The following NTRK3 variants were observed in gnomAD, a reference collection of about 807,000 sequenced individuals.
The protein encoded by NTRK3 is neurotrophic receptor tyrosine kinase 3.
NTRK3 carries 24 observed loss-of-function variants against 91.7 expected under a neutral mutation model. The ratio of observed to expected loss-of-function variants is 0.26; its 90% CI spans 0.19 to 0.37. NTRK3 has a LOEUF of 0.37. Among genes scored for constraint, NTRK3 ranks in the 10% least tolerant of loss-of-function variants. NTRK3 has a pLI of 1.00. For synonymous variants in NTRK3, 483 were observed against 404.0 expected (o/e 1.20, Z -2.34); for missense variants, 880 against 1,068.9 (o/e 0.82, Z 2.46).
chr15:88,074,359 G>A (rs1175838385), intron 13 of NTRK3, among the ~76,000 whole-genome samples: 2 of 152,236 alleles, frequency 1.3e-5, no homozygotes, highest in African/African-American at 2.4e-5. Context: ...TGGTTACTGA[G>A]CTCTTGAAAT....
chr15:88,081,123 A>G lies in NTRK3; in HGVS notation c.1396+45148T>C, dbSNP rs76778118. Among the ~76,000 whole-genome samples the G allele has an allele frequency of 3.5e-3, 530 of 152,204 alleles. 7 individuals carry two copies. In the East Asian group the frequency reaches 0.05, roughly 14 times the overall value. On this transcript the variant is annotated intron_variant, in intron 13 of 18. Transcript: ENST00000394480. ...GGCAGCTGCTTGGGTTGGAAAGAAA[A>G]CTGTTTCCCAAAGCTTGTTGAAATC...
chr15:88,094,327 G>T (rs1409098960), intron 13 of NTRK3, among the ~76,000 whole-genome samples: 1 of 151,780 alleles, frequency 6.6e-6, no homozygotes, highest in Non-Finnish European at 1.5e-5. Flanking sequence ...AAATTAGCCG[G>T]GCGCGGTGGC....
intron 13 of NTRK3, among the ~76,000 whole-genome samples, chr15:88,118,477 C>T (rs952664863): frequency 2.6e-5 from 4 of 152,104 alleles, no homozygotes; most frequent in Non-Finnish European, 4.4e-5. Context: ...AGCTGGCAAC[C>T]CCAGCCCCTC....
intron 14 of NTRK3, among the ~76,000 whole-genome samples, chr15:87,945,189 T>C (rs758486934): frequency 7.2e-5 from 11 of 152,066 alleles, no homozygotes; most frequent in Non-Finnish European, 1.3e-4. Flanking sequence ...ATGGGAAGGG[T>C]TCTTTGGAAA....
chr15:87,888,061 G>A (rs1367265513), intron 17 of NTRK3, among the ~76,000 whole-genome samples: 4 of 152,144 alleles, frequency 2.6e-5, no homozygotes, highest in Non-Finnish European at 4.4e-5. Flanking sequence ...GTACTTGGAG[G>A]GAAACAGATC....
chr15:88,100,596 T>A (rs2050071107), intron 13 of NTRK3, among the ~76,000 whole-genome samples: 2 of 152,258 alleles, frequency 1.3e-5, no homozygotes, highest in South Asian at 2.1e-4. Context: ...AAGAAGGGCA[T>A]AAGAAAAAGT....
intron 14 of NTRK3, among the ~76,000 whole-genome samples, chr15:87,991,886 G>T (rs961988193): frequency 2.0e-5 from 3 of 151,542 alleles, no homozygotes; most frequent in Non-Finnish European, 4.4e-5. Context: ...GATATCTGAG[G>T]ATATCTTTGT....
chr15:88,194,172 TC>T (rs368621419), intron 3 of NTRK3, among the ~76,000 whole-genome samples: 5 of 152,254 alleles, frequency 3.3e-5, no homozygotes, highest in Admixed American at 1.3e-4. Flanking sequence ...TGGGTTTCTT[TC>T]TACTCTCTGG....
At chr15:88,073,259 C>T (rs2047244588) in intron 13 of NTRK3, among the ~76,000 whole-genome samples, 1 of 152,246 alleles carries the variant, frequency 6.6e-6, no homozygotes, top group African/African-American at 2.4e-5. Flanking sequence ...TGCCTGTTAA[C>T]AAGCCCTCTG....
chr15:87,885,788 A>T, intron 17 of NTRK3, 53 bp from the exon 18 acceptor site: 6 of 812,644 alleles, frequency 7.4e-6, no homozygotes, highest in Non-Finnish European at 1.0e-5. Flanking sequence ...TTAGAAAAGT[A>T]TTCTTTATCC....
intron 17 of NTRK3, among the ~76,000 whole-genome samples, chr15:87,901,504 G>A (rs952530736): frequency 6.6e-6 from 1 of 152,198 alleles, no homozygotes; most frequent in Non-Finnish European, 1.5e-5. Context: ...TTTATCTGAA[G>A]CTCTGGCCTC....
At chr15:88,254,061 C>T (rs2053733576) in intron 3 of NTRK3, among the ~76,000 whole-genome samples, 1 of 152,176 alleles carries the variant, frequency 6.6e-6, no homozygotes, top group Admixed American at 6.5e-5. Flanking sequence ...TGCAGCTCAC[C>T]CATTCCCAGA....
At chr15:88,250,134 AT>A (rs1368531974) in intron 3 of NTRK3, among the ~76,000 whole-genome samples, 1 of 152,100 alleles carries the variant, frequency 6.6e-6, no homozygotes, top group Non-Finnish European at 1.5e-5. Flanking sequence ...AGCCCCTCAC[AT>A]TTCTGTCTTC....
At chr15:88,134,233 G>T (rs897808352) in intron 10 of NTRK3, among the ~76,000 whole-genome samples, 1 of 152,084 alleles carries the variant, frequency 6.6e-6, no homozygotes, top group Non-Finnish European at 1.5e-5. Flanking sequence ...TGGCTTTATG[G>T]GCAAAACTTA....
chr15:88,020,756 C>G, intron 14 of NTRK3, among the ~76,000 whole-genome samples: 1 of 152,172 alleles, frequency 6.6e-6, no homozygotes. Flanking sequence ...GGACCTGGGT[C>G]TAAGGCCACC....
chr15:88,023,813 ACTT>A (rs1375708627), intron 14 of NTRK3, among the ~76,000 whole-genome samples: 1 of 152,160 alleles, frequency 6.6e-6, no homozygotes, highest in Non-Finnish European at 1.5e-5. Context: ...TCCATCCCGG[ACTT>A]CTTCTAGAGA....
chr15:88,255,887 G>A lies in NTRK3; in HGVS notation c.248+19C>T. The A allele has an allele frequency of 1.3e-6, 2 of 1,596,784 alleles. No individual in the cohort carries two copies. Among genetic ancestry groups the A allele is most frequent in the Non-Finnish European group, 1.7e-6 (2 of 1,168,352 alleles). On this transcript the variant is annotated intron_variant, in intron 3 of 18. Coordinates refer to ENST00000394480, the Ensembl canonical transcript of NTRK3. The surrounding 1 kb of genome is among the most constrained non-coding windows in gnomAD (Gnocchi z 4.3). Reference sequence around the variant, plus strand: ...CAGAGCGCGGGGGAGGCAGGCTGGGGAGCGGCCGCCTGACTTACATGGAAG... The same window carrying A: ...CAGAGCGCGGGGGAGGCAGGCTGGGAAGCGGCCGCCTGACTTACATGGAAG...
intron 17 of NTRK3, among the ~76,000 whole-genome samples, chr15:87,896,550 C>T (rs140785106): frequency 6.6e-6 from 1 of 151,608 alleles, no homozygotes; most frequent in African/African-American, 2.4e-5. Context: ...CTCCATTCAT[C>T]GACAGTTCTA....
chr15:87,949,271 A>G (rs2070866298), intron 14 of NTRK3, among the ~76,000 whole-genome samples: 1 of 152,056 alleles, frequency 6.6e-6, no homozygotes, highest in African/African-American at 2.4e-5. Flanking sequence ...GGCCCGAGGA[A>G]CCAAGATCGT....
Sources: allele counts gnomAD v4.1 joint callset (sites outside exome capture counted in the v4.1 genomes callset), GRCh38; gene constraint gnomAD v4.1.1; non-coding constraint Gnocchi (gnomAD v3.1); transcripts MANE v1.5; gene names NCBI Gene and HGNC (gene_info 2026-07-23, HGNC 2026-07-21).